FAM53B: variants seen among roughly 807,000 people sequenced by gnomAD.
FAM53B encodes the protein family with sequence similarity 53 member B.
FAM53B carries 12 observed loss-of-function variants against 32.7 expected under a neutral mutation model. The observed-to-expected ratio is 0.37, with a 90% CI of 0.24 to 0.59. The LOEUF (loss-of-function observed/expected upper bound fraction) is 0.59, where lower values mean the gene tolerates loss of function less well. Among genes scored for constraint, FAM53B ranks in the 20% least tolerant of loss-of-function variants. FAM53B has a pLI of 0.72. For missense variants in FAM53B, 477 were observed against 577.7 expected, an observed-to-expected ratio of 0.83 and a Z score of 1.79; for synonymous variants, 234 against 228.7, an observed-to-expected ratio of 1.02 and a Z score of -0.21.
At chr10:124,626,428 G>A (rs938355208) in intron 4 of FAM53B, among the ~76,000 whole-genome samples, 1 of 150,624 alleles carries the variant, frequency 6.6e-6, no homozygotes, top group Admixed American at 6.6e-5. Flanking sequence ...AAAAGGTGGG[G>A]CCTCTGGGAG....
intron 3 of FAM53B, among the ~76,000 whole-genome samples, chr10:124,688,948 A>T (rs965427839): frequency 6.6e-6 from 1 of 152,234 alleles, no homozygotes; most frequent in Non-Finnish European, 1.5e-5. Context: ...TTATGGTCAC[A>T]TAAGTACAGA....
At chr10:124,628,088 G>A (rs1589729715) in intron 4 of FAM53B, among the ~76,000 whole-genome samples, 1 of 152,302 alleles carries the variant, frequency 6.6e-6, no homozygotes, top group East Asian at 1.9e-4. Flanking sequence ...TGCTGTTCCT[G>A]GGCCAGCAGG....
intron 4 of FAM53B, among the ~76,000 whole-genome samples, chr10:124,680,783 G>A (rs1949765026): frequency 6.6e-6 from 1 of 152,206 alleles, no homozygotes; most frequent in African/African-American, 2.4e-5. Context: ...CCTCCTGGAT[G>A]AACACAGAAC....
At chr10:124,685,763 C>T (rs555165233) in intron 3 of FAM53B, among the ~76,000 whole-genome samples, 1 of 152,320 alleles carries the variant, frequency 6.6e-6, no homozygotes, top group East Asian at 1.9e-4. Flanking sequence ...AACACACCAT[C>T]CCTCCCATCT....
At chr10:124,652,611 T>C (rs1949563617) in intron 4 of FAM53B, among the ~76,000 whole-genome samples, 1 of 152,130 alleles carries the variant, frequency 6.6e-6, no homozygotes, top group South Asian at 2.1e-4. Flanking sequence ...TGTTTCCTGG[T>C]GCTCACATTC....
At chr10:124,629,235 T>C (rs1949375110) in intron 4 of FAM53B, among the ~76,000 whole-genome samples, 1 of 151,980 alleles carries the variant, frequency 6.6e-6, no homozygotes, top group Non-Finnish European at 1.5e-5. Flanking sequence ...TTAGTCGGTG[T>C]CTTAAGTGTA....
At chr10:124,624,227 C>T (rs974665819) in intron 4 of FAM53B, 5 of 152,618 alleles carry the variant, frequency 3.3e-5, no homozygotes, top group African/African-American at 1.2e-4. Flanking sequence ...GCCCGCTCTA[C>T]CCACTCTCCA....
chr10:124,681,148 C>T (rs1168999566), intron 4 of FAM53B, among the ~76,000 whole-genome samples: 1 of 152,136 alleles, frequency 6.6e-6, no homozygotes, highest in Admixed American at 6.5e-5. Flanking sequence ...GGAATAAGTC[C>T]CCCCAATCGC....
At chr10:124,634,916 G>A (rs1407693184) in intron 4 of FAM53B, among the ~76,000 whole-genome samples, 4 of 152,124 alleles carry the variant, frequency 2.6e-5, no homozygotes, top group Non-Finnish European at 4.4e-5. Flanking sequence ...TTAAATGGGT[G>A]AACTGTGTGG....
At chr10:124,668,918 C>T (rs929263538) in intron 4 of FAM53B, among the ~76,000 whole-genome samples, 1 of 152,246 alleles carries the variant, frequency 6.6e-6, no homozygotes, top group African/African-American at 2.4e-5. Flanking sequence ...TTCCCAAGGC[C>T]TGATGTGCCA....
intron 2 of FAM53B, 119 bp downstream of exon 2, chr10:124,706,517 C>CT (rs1564883541): frequency 3.0e-5 from 39 of 1,312,682 alleles, no homozygotes; most frequent in Non-Finnish European, 4.1e-5. Flanking sequence ...CCTCACAGAG[C>CT]TTTGCTCTTG....
chr10:124,676,556 C>A (rs897276), intron 4 of FAM53B, among the ~76,000 whole-genome samples: 1 of 152,146 alleles, frequency 6.6e-6, no homozygotes, highest in Non-Finnish European at 1.5e-5. Flanking sequence ...TGGCGACCAA[C>A]AAGGGCCACT....
At chr10:124,695,960 T>C (rs1179718520) in intron 3 of FAM53B, among the ~76,000 whole-genome samples, 198 bp downstream of exon 3, 3 of 152,032 alleles carry the variant, frequency 2.0e-5, no homozygotes, top group African/African-American at 7.2e-5. Flanking sequence ...AATGTTGGAG[T>C]TGTAAACCAC....
intron 4 of FAM53B, among the ~76,000 whole-genome samples, chr10:124,643,988 AG>A (rs1302291161): frequency 6.6e-6 from 1 of 152,142 alleles, no homozygotes; most frequent in Admixed American, 6.5e-5. Context: ...TGCTCATGCC[AG>A]GGGCCTCCAC....
chr10:124,627,244 C>CA (rs1949361602), intron 4 of FAM53B, among the ~76,000 whole-genome samples: 1 of 152,308 alleles, frequency 6.6e-6, no homozygotes, highest in East Asian at 1.9e-4. Flanking sequence ...CCCATGCAGA[C>CA]ACCCAGGGTG....
chr10:124,696,127 GA>G (rs1177757625), intron 3 of FAM53B, 30 bp downstream of exon 3: 2 of 1,591,662 alleles, frequency 1.3e-6, no homozygotes, highest in Admixed American at 3.3e-5. Context: ...GGACTAGGAG[GA>G]CAGCTTCCAG....
rs891869383 is a variant in FAM53B, at chr10:124,733,848, T to C, written c.-175+10165A>G. 1.3e-5 allele frequency among the ~76,000 whole-genome samples: 2 copies of C among 152,214 alleles called. No individual in the cohort carries two copies. Among genetic ancestry groups the C allele is most frequent in the African/African-American group, 4.8e-5 (2 of 41,460 alleles). On this transcript the variant is annotated intron_variant, in intron 1 of 4. Transcript: ENST00000337318. This position sits in a 1 kb window ranked among gnomAD's most constrained non-coding sequence, Gnocchi z 4.3. ...CCCAGCCCTTCGCCCTTCCCTTTAC[T>C]GCCATCCTGACCTAGATCAGCTCCG...
At chr10:124,741,176 T>G (rs1024489233) in intron 1 of FAM53B, among the ~76,000 whole-genome samples, 2 of 152,210 alleles carry the variant, frequency 1.3e-5, no homozygotes, top group African/African-American at 2.4e-5. Context: ...GCATATTACA[T>G]AACAAATTAT....
intron 1 of FAM53B, among the ~76,000 whole-genome samples, chr10:124,723,707 G>A (rs960323100): frequency 9.2e-5 from 14 of 152,314 alleles, no homozygotes; most frequent in African/African-American, 1.7e-4. Context: ...TTGCAGGGCC[G>A]GCCCTGGGCC....
Sources: gnomAD v4.1 joint callset for allele counts (sites outside exome capture counted in the v4.1 genomes callset) on GRCh38, gnomAD v4.1.1 for gene constraint, Gnocchi (gnomAD v3.1) non-coding constraint, MANE v1.5 for transcripts, NCBI Gene and HGNC (gene_info 2026-07-23, HGNC 2026-07-21) for gene names.